Variants in SVIL observed in about 807,000 individuals in gnomAD.
The protein encoded by SVIL is archvillin.
SVIL carries 101 observed loss-of-function variants against 240.4 expected under a neutral mutation model. The ratio of observed to expected loss-of-function variants is 0.42; its 90% CI spans 0.36 to 0.50. The LOEUF (loss-of-function observed/expected upper bound fraction) is 0.50. Ranked by LOEUF, SVIL falls within the 20% of genes least tolerant of loss-of-function variation. The pLI is 0.01. For missense variants in SVIL, 2,512 were observed against 2,818.7 expected (o/e 0.89, Z 2.46); for synonymous variants, 999 against 1,100.0 (o/e 0.91, Z 1.82).
intron 1 of SVIL, among the ~76,000 whole-genome samples, chr10:29,625,974 C>T (rs1287546927): frequency 6.6e-6 from 1 of 151,958 alleles, no homozygotes; most frequent in Non-Finnish European, 1.5e-5. Context: ...AGGTGTGCAG[C>T]ATGATGTTTT....
At chr10:29,624,921 A>C (rs1186554699) in intron 1 of SVIL, among the ~76,000 whole-genome samples, 1 of 152,202 alleles carries the variant, frequency 6.6e-6, no homozygotes, top group Non-Finnish European at 1.5e-5. Flanking sequence ...TGAAATGTTT[A>C]AGGCCCCATG....
In SVIL at chr10:29,533,286, G is replaced by C. The variant is rs1205973951; in HGVS notation, c.1081C>G (p.Arg361Gly). Residue 361 changes from arginine (R) to glycine (G), a missense_variant, in exon 8 of 38, where the codon CGA becomes GGA. Around this residue, in one of 3 missense-constraint regions of SVIL, gnomAD observed 1,443 missense variants for 1,486.6 expected, o/e 0.97. Transcript: ENST00000355867. ...RVPSKAAGST[R>G]QPIRGYVQPA... Reference sequence around the variant, plus strand: ...TGGACATAGCCACGGATTGGCTGTCGTGTAGAGCCTGCTGCCTTGCTGGGG... The same window carrying C: ...TGGACATAGCCACGGATTGGCTGTCCTGTAGAGCCTGCTGCCTTGCTGGGG... 2.5e-6 allele frequency: 4 copies of C among 1,613,990 alleles called. No individual in the cohort carries two copies. In the East Asian group the frequency reaches 6.7e-5, roughly 27 times the overall value.
chr10:29,668,707 C>A (rs2133053259), intron 2 of SVIL, among the ~76,000 whole-genome samples: 1 of 152,310 alleles, frequency 6.6e-6, no homozygotes, highest in South Asian at 2.1e-4. Flanking sequence ...CTCCTGACCT[C>A]AGGTGATCCA....
Position 29,550,837 on chromosome 10 carries a change from G to T in SVIL, c.587C>A (p.Pro196Gln), listed in dbSNP as rs757759923. ...GTTTTCTATGTTCAGCAGCACCTCC[G>T]GGTCGGAAGAGCCGTCACCCACATG... ...ALHVGDGSSD[P>Q]EVLLNIENQR... Residue 196 changes from proline (P) to glutamine (Q), a missense_variant, in exon 6 of 38, where the codon CCG (proline) becomes CAG (glutamine). Coordinates refer to ENST00000355867, the MANE Select transcript of SVIL (RefSeq NM_021738.3). 2.1e-5 allele frequency: 34 copies of T among 1,613,984 alleles called. No homozygotes were observed. Among genetic ancestry groups the T allele is most frequent in the South Asian group, 2.0e-4 (18 of 91,064 alleles).
At chr10:29,672,243 T>C (rs1041777992) in intron 2 of SVIL, among the ~76,000 whole-genome samples, 3 of 152,192 alleles carry the variant, frequency 2.0e-5, no homozygotes, top group Admixed American at 6.5e-5. Context: ...AGTGGCAATG[T>C]TGAATAATTA....
chr10:29,598,806 C>T (rs1956697565), intron 1 of SVIL, among the ~76,000 whole-genome samples: 1 of 152,218 alleles, frequency 6.6e-6, no homozygotes, highest in Admixed American at 6.5e-5. Flanking sequence ...CTGCTGTTTT[C>T]AAACCTTGGC....
chr10:29,536,105 A>T, intron 6 of SVIL, 36 bp from the exon 7 acceptor site: 1 of 1,592,572 alleles, frequency 6.3e-7, no homozygotes, highest in Non-Finnish European at 8.6e-7. Flanking sequence ...GATAATCTCT[A>T]TTAAAACGTC....
chr10:29,494,469 T>C (rs1462643633), intron 20 of SVIL, among the ~76,000 whole-genome samples: 1 of 152,244 alleles, frequency 6.6e-6, no homozygotes, highest in Non-Finnish European at 1.5e-5. Flanking sequence ...TTTTTGCATA[T>C]TGCTCTTTTA....
In SVIL at chr10:29,473,856, G is replaced by A. The variant is rs201697623; in HGVS notation, c.5511C>T (p.Asp1837=). 2.7e-5 allele frequency: 44 copies of A among 1,613,796 alleles called. No individual in the cohort carries two copies. The highest frequency in any genetic ancestry group is 3.3e-4 in the Middle Eastern group (2 of 6,050). ...GACTCACCTGGGCCCCCCTTTCCTC[G>A]TCCAGCTCCACCGTCATCAGCGCCG... is the stretch of plus-strand genomic sequence containing the variant. The part of the protein sequence containing the change: ...GTSALMTVEL[D]EERGAQVQVL... The change falls in exon 30 of 38, where the codon GAC becomes GAT. Residue 1837 remains aspartate, a synonymous_variant. Transcript: ENST00000355867.
At chr10:29,615,431 G>C (rs1354442766) in intron 1 of SVIL, among the ~76,000 whole-genome samples, 1 of 152,208 alleles carries the variant, frequency 6.6e-6, no homozygotes, top group Non-Finnish European at 1.5e-5. Flanking sequence ...TTTCAATTTT[G>C]TTGGCAGTAA....
Position 29,713,264 on chromosome 10 carries a change from G to GTGTA in SVIL, c.-400+22486_-400+22487insTACA, listed in dbSNP as rs72164277. Among the ~76,000 whole-genome samples, 28 of 143,260 alleles carry GTGTA rather than the reference G, an allele frequency of 2.0e-4. No individual in the cohort carries two copies. The East Asian group carries it at 3.9e-3, about 20-fold the overall frequency. 94.0% of individuals were successfully genotyped at this position (143,260 alleles called of 152,430 possible). ...AAACTAAGAAGTTGTACATGCCTCT[G>GTGTA]TGTGTGTGTGTGTGTGTGTGTGTGT... On this transcript the variant is annotated intron_variant, in intron 1 of 35. Coordinates refer to the SVIL transcript ENST00000375400.
At chr10:29,592,677 A>G (rs967983799) in intron 1 of SVIL, among the ~76,000 whole-genome samples, 11 of 152,226 alleles carry the variant, frequency 7.2e-5, no homozygotes, top group African/African-American at 1.4e-4. Flanking sequence ...TAAAAAATCA[A>G]TGTTAAAACA....
intron 1 of SVIL, among the ~76,000 whole-genome samples, chr10:29,589,519 G>A (rs1423356423): frequency 2.0e-5 from 3 of 152,134 alleles, no homozygotes; most frequent in Non-Finnish European, 2.9e-5. Context: ...TACTGTTTAA[G>A]GCCAAATTAG....
At chr10:29,666,197 C>T (rs931539011) in intron 2 of SVIL, among the ~76,000 whole-genome samples, 1 of 152,184 alleles carries the variant, frequency 6.6e-6, no homozygotes, top group South Asian at 2.1e-4. Context: ...GGATTACAAG[C>T]GTGAGCCACC....
At chr10:29,720,101 G>A (rs185815663) in intron 1 of SVIL, among the ~76,000 whole-genome samples, 30 of 152,284 alleles carry the variant, frequency 2.0e-4, no homozygotes, top group Admixed American at 1.4e-3. Context: ...CCAGTTGCTC[G>A]GGAGGCTGAG....
chr10:29,662,980 G>T (rs1959176017), intron 2 of SVIL, among the ~76,000 whole-genome samples: 1 of 152,142 alleles, frequency 6.6e-6, no homozygotes, highest in Non-Finnish European at 1.5e-5. Context: ...GGGTGTGGTG[G>T]CATGCACCTG....
intron 2 of SVIL, among the ~76,000 whole-genome samples, chr10:29,681,494 G>A (rs1960651183): frequency 6.6e-6 from 1 of 150,654 alleles, no homozygotes; most frequent in Non-Finnish European, 1.5e-5. Context: ...GAGATAAGAA[G>A]CATAAGTTCA....
chr10:29,734,921 G>T (rs1467135060), intron 1 of SVIL, among the ~76,000 whole-genome samples: 1 of 152,142 alleles, frequency 6.6e-6, no homozygotes, highest in South Asian at 2.1e-4. Flanking sequence ...TCCCCAGCTG[G>T]CCTCTCCCCT....
chr10:29,703,559 G>A (rs1053323904), intron 1 of SVIL, among the ~76,000 whole-genome samples: 4 of 152,296 alleles, frequency 2.6e-5, no homozygotes, highest in South Asian at 2.1e-4. Flanking sequence ...CCCCTGTGGC[G>A]GGGGCTCCGA....
Sources: allele counts gnomAD v4.1 joint callset (sites outside exome capture counted in the v4.1 genomes callset), GRCh38; gene constraint gnomAD v4.1.1; regional missense constraint gnomAD v4.1.1; transcripts MANE v1.5; gene names NCBI Gene and HGNC (gene_info 2026-07-23, HGNC 2026-07-21).